The following TRPM6 variants were observed in gnomAD, a reference collection of about 807,000 sequenced individuals.
TRPM6 encodes channel kinase 2.
In TRPM6, 111 loss-of-function variants were observed where a neutral mutation model predicts 247.6. The observed-to-expected ratio is 0.45, with a 90% CI of 0.38 to 0.52. The LOEUF is 0.52. Ranked by LOEUF, TRPM6 falls within the 20% of genes least tolerant of loss-of-function variation. The probability of loss-of-function intolerance (pLI) is 0.00; values close to 1 mark genes in which losing one functional copy is unlikely to be tolerated. For missense variants in TRPM6, 2,126 were observed against 2,421.5 expected (o/e 0.88, Z 2.56); for synonymous variants, 892 against 853.8 (o/e 1.04, Z -0.78).
At chr9:74,779,926 C>T (rs933961191) in intron 23 of TRPM6, among the ~76,000 whole-genome samples, 2 of 152,236 alleles carry the variant, frequency 1.3e-5, no homozygotes, top group African/African-American at 4.8e-5. Context: ...GTAATCCCAG[C>T]ACTTTGGGAG....
chr9:74,886,516 T>C (rs959819613), intron 1 of TRPM6, among the ~76,000 whole-genome samples: 3 of 151,866 alleles, frequency 2.0e-5, no homozygotes, highest in Non-Finnish European at 4.4e-5. Flanking sequence ...TTTTTCTCTT[T>C]TTTTTTTTTC....
At chr9:74,828,079 C>G (rs1829407903) in intron 6 of TRPM6, 130 bp from the exon 7 acceptor site, 3 of 924,116 alleles carry the variant, frequency 3.2e-6, no homozygotes, top group Non-Finnish European at 4.9e-6. Flanking sequence ...TGCGGCCAGG[C>G]ATGGTGGCTC....
At chr9:74,824,309 C>T (rs918711207) in intron 7 of TRPM6, among the ~76,000 whole-genome samples, 3 of 151,468 alleles carry the variant, frequency 2.0e-5, no homozygotes, top group African/African-American at 7.3e-5. Context: ...CGCCATCATG[C>T]CCGGCTGCTT....
intron 6 of TRPM6, among the ~76,000 whole-genome samples, chr9:74,832,296 T>C (rs1291399781): frequency 6.6e-6 from 1 of 152,120 alleles, no homozygotes; most frequent in African/African-American, 2.4e-5. Flanking sequence ...AATCCATAGA[T>C]TAAAAGTGAC....
intron 6 of TRPM6, among the ~76,000 whole-genome samples, chr9:74,828,313 G>A (rs539417762): frequency 1.3e-5 from 2 of 152,044 alleles, no homozygotes; most frequent in East Asian, 1.9e-4. Flanking sequence ...GTGAGATCGC[G>A]CCACTGCACT....
intron 24 of TRPM6, among the ~76,000 whole-genome samples, chr9:74,774,427 T>C (rs556870553): frequency 4.6e-5 from 7 of 152,136 alleles, no homozygotes; most frequent in Non-Finnish European, 1.0e-4. Context: ...ACTTCAGGTA[T>C]GCTTTGGCTT....
At chr9:74,807,772 A>G (rs537883952) in intron 14 of TRPM6, among the ~76,000 whole-genome samples, 2 of 152,348 alleles carry the variant, frequency 1.3e-5, no homozygotes, top group East Asian at 1.9e-4. Context: ...ATGTCACTAT[A>G]GCATGTATTA....
At chr9:74,764,985 T>A (rs1397217501) in intron 25 of TRPM6, among the ~76,000 whole-genome samples, 2 of 152,128 alleles carry the variant, frequency 1.3e-5, no homozygotes, top group East Asian at 3.8e-4. Context: ...TTCATCTATA[T>A]CATAACAGCA....
At chr9:74,884,662 G>C (rs533350165) in intron 1 of TRPM6, among the ~76,000 whole-genome samples, 1 of 152,160 alleles carries the variant, frequency 6.6e-6, no homozygotes, top group African/African-American at 2.4e-5. Context: ...TCTATTTGTA[G>C]TATTTGAATT....
In TRPM6 at chr9:74,842,186, C is replaced by T. The variant is rs1829964300; in HGVS notation, c.310G>A (p.Glu104Lys). 1 of 1,613,804 alleles carries T rather than the reference C, an allele frequency of 6.2e-7. No homozygotes were observed. The highest frequency in any genetic ancestry group is 8.5e-7 in the Non-Finnish European group (1 of 1,179,962). ...TFGTINFQDG[E>K]HTHHAKYIRT... ...CAAACCTTGGCATGATGGGTGTGCT[C>T]TCCATCTTGGAAATTAATCGTGCCA... Residue 104 changes from glutamate (E) to lysine (K), a missense_variant, in exon 4 of 39, where the codon GAG (glutamate) becomes AAG (lysine). Transcript: ENST00000360774.
chr9:74,884,531 A>G (rs183247569), intron 1 of TRPM6, among the ~76,000 whole-genome samples: 242 of 152,014 alleles, frequency 1.6e-3, no homozygotes, highest in African/African-American at 5.5e-3. Context: ...ATACATACAT[A>G]CATACATACA....
intron 11 of TRPM6, among the ~76,000 whole-genome samples, chr9:74,814,658 T>G (rs113167626): frequency 6.6e-6 from 1 of 152,066 alleles, no homozygotes; most frequent in Non-Finnish European, 1.5e-5. Flanking sequence ...AAAAGCTTCA[T>G]AGAAGGCTTG....
At chr9:74,767,257 T>G (rs770008193) in intron 25 of TRPM6, among the ~76,000 whole-genome samples, 1 of 152,152 alleles carries the variant, frequency 6.6e-6, no homozygotes, top group African/African-American at 2.4e-5. Flanking sequence ...CGAAATATAA[T>G]GTACCAAACA....
At chr9:74,839,180 G>C (rs760496168) in intron 5 of TRPM6, among the ~76,000 whole-genome samples, 11 of 151,874 alleles carry the variant, frequency 7.2e-5, no homozygotes, top group Admixed American at 6.6e-5. Flanking sequence ...AGAGTTTATG[G>C]AATCACTAGT....
At chr9:74,809,965 AAACTCCATCTC>A in intron 13 of TRPM6, among the ~76,000 whole-genome samples, 1 of 141,136 alleles carries the variant, frequency 7.1e-6, no homozygotes, top group Non-Finnish European at 1.5e-5. Flanking sequence ...GGCAAGAGCA[AAACTCCATCTC>A]AAAAAAAAAA....
intron 36 of TRPM6, among the ~76,000 whole-genome samples, chr9:74,735,930 CT>C (rs1239043519): frequency 1.3e-5 from 2 of 152,114 alleles, no homozygotes; most frequent in Non-Finnish European, 2.9e-5. Flanking sequence ...TTTCACACTC[CT>C]TCTTTCTCTC....
At chr9:74,879,322 A>G (rs145273111) in intron 1 of TRPM6, among the ~76,000 whole-genome samples, 2 of 150,042 alleles carry the variant, frequency 1.3e-5, no homozygotes, top group East Asian at 3.9e-4. Flanking sequence ...TTATATATAT[A>G]TGATTTATAT....
At chr9:74,765,655 G>C (rs1826803863) in intron 25 of TRPM6, among the ~76,000 whole-genome samples, 1 of 152,286 alleles carries the variant, frequency 6.6e-6, no homozygotes, top group South Asian at 2.1e-4. Flanking sequence ...TCTTATCTGG[G>C]GGCAGGGAGA....
intron 17 of TRPM6, among the ~76,000 whole-genome samples, chr9:74,799,109 C>T (rs1828208585): frequency 6.6e-6 from 1 of 152,054 alleles, no homozygotes; most frequent in Non-Finnish European, 1.5e-5. Flanking sequence ...CTTCTGAAAA[C>T]AATTATTGTT....
Sources: allele counts gnomAD v4.1 joint callset (sites outside exome capture counted in the v4.1 genomes callset), GRCh38; gene constraint gnomAD v4.1.1; transcripts MANE v1.5; gene names NCBI Gene and HGNC (gene_info 2026-07-23, HGNC 2026-07-21).